Variants in FAM120A observed in about 807,000 individuals in gnomAD.
The protein encoded by FAM120A is constitutive coactivator of PPAR-gamma-like protein 1.
A neutral mutation model predicts 109.7 loss-of-function variants in FAM120A; 15 were observed. The observed-to-expected ratio is 0.14, with a 90% confidence interval of 0.09 to 0.21. The LOEUF (loss-of-function observed/expected upper bound fraction) is 0.21. Ranked by LOEUF, FAM120A falls within the 10% of genes least tolerant of loss-of-function variation. The pLI, the probability that FAM120A is intolerant of heterozygous loss-of-function variation, is 1.00. For synonymous variants in FAM120A, 493 were observed against 572.8 expected, an observed-to-expected ratio of 0.86 and a Z score of 1.99; for missense variants, 899 against 1,439.3, an observed-to-expected ratio of 0.62 and a Z score of 6.07.
At chr9:93,509,495 G>A (rs150070992) in intron 5 of FAM120A, among the ~76,000 whole-genome samples, 14 of 152,286 alleles carry the variant, frequency 9.2e-5, no homozygotes, top group African/African-American at 3.1e-4. Flanking sequence ...CTCTGCTGTC[G>A]TTGTCAAGAA....
intron 3 of FAM120A, among the ~76,000 whole-genome samples, chr9:93,494,676 G>T (rs947915077): frequency 6.6e-6 from 1 of 152,204 alleles, no homozygotes; most frequent in Non-Finnish European, 1.5e-5. Context: ...TCCCCATCAT[G>T]CTGTGAAGCA....
chr9:93,478,358 G>A (rs1858639355), intron 3 of FAM120A, among the ~76,000 whole-genome samples: 1 of 151,096 alleles, frequency 6.6e-6, no homozygotes. Flanking sequence ...ATGGCATATT[G>A]GAGAAGAAAT....
chr9:93,455,553 A>G (rs1190711706), intron 1 of FAM120A, among the ~76,000 whole-genome samples: 2 of 152,214 alleles, frequency 1.3e-5, no homozygotes, highest in Non-Finnish European at 2.9e-5. Context: ...TTCAGTATAT[A>G]TAATGTTGAG....
chr9:93,480,516 A>G (rs1858752768), intron 3 of FAM120A, among the ~76,000 whole-genome samples: 1 of 152,144 alleles, frequency 6.6e-6, no homozygotes. Context: ...AGGGCTGCAC[A>G]GACACCCAAG....
intron 2 of FAM120A, among the ~76,000 whole-genome samples, chr9:93,472,558 A>T (rs528718498): frequency 6.6e-6 from 1 of 152,228 alleles, no homozygotes; most frequent in Non-Finnish European, 1.5e-5. Context: ...TCTAGTGCTC[A>T]GTTACTGTGC....
rs575692222 is a variant in FAM120A at position 93,556,603 on chromosome 9, G to A, written c.2484+12G>A. ...TCTGTGATGGTCAGGTATGCTGCGG[G>A]GCCGGGTGGCTGCCTTTAACTGCAA... On this transcript the variant is annotated intron_variant, in intron 13 of 17. Transcript: ENST00000277165. 1.4e-5 allele frequency: 23 copies of A among 1,613,142 alleles called. No individual in the cohort carries two copies. Among genetic ancestry groups the A allele is most frequent in the Admixed American group, 5.0e-5 (3 of 60,004 alleles).
intron 11 of FAM120A, among the ~76,000 whole-genome samples, chr9:93,546,572 G>A (rs894027353): frequency 5.9e-5 from 9 of 152,226 alleles, no homozygotes; most frequent in South Asian, 2.1e-4. Flanking sequence ...GGCCATGCAT[G>A]CAGCTGGTCC....
At chr9:93,546,130 G>T (rs921087382) in intron 11 of FAM120A, among the ~76,000 whole-genome samples, 1 of 151,958 alleles carries the variant, frequency 6.6e-6, no homozygotes, top group African/African-American at 2.4e-5. Context: ...GGTTTCCTCT[G>T]ATAGCAAATT....
chr9:93,478,732 T>C (rs1279167730), intron 3 of FAM120A, among the ~76,000 whole-genome samples: 1 of 152,176 alleles, frequency 6.6e-6, no homozygotes, highest in African/African-American at 2.4e-5. Flanking sequence ...CACCTTGGCC[T>C]CCCAAAGTGC....
intron 3 of FAM120A, among the ~76,000 whole-genome samples, chr9:93,485,773 G>A (rs76391866): frequency 6.7e-6 from 1 of 149,448 alleles, no homozygotes; most frequent in Non-Finnish European, 1.5e-5. Context: ...AGCCATGTCC[G>A]CTTCGGCAGT....
At chr9:93,484,541 A>C (rs543069114) in intron 3 of FAM120A, among the ~76,000 whole-genome samples, 1 of 152,288 alleles carries the variant, frequency 6.6e-6, no homozygotes. Context: ...AGCAAAGAGA[A>C]GCTCAGCAAT....
intron 3 of FAM120A, among the ~76,000 whole-genome samples, chr9:93,492,203 T>G (rs1177099034): frequency 6.6e-6 from 1 of 152,066 alleles, no homozygotes; most frequent in Non-Finnish European, 1.5e-5. Flanking sequence ...TATGTATATA[T>G]AGAGTTATGT....
chr9:93,557,125 TG>T (rs1260108303), intron 13 of FAM120A, among the ~76,000 whole-genome samples: 12 of 130,250 alleles, frequency 9.2e-5, no homozygotes, highest in East Asian at 6.8e-4. Flanking sequence ...TTGTTTGTTT[TG>T]GTTTTTTTTT....
intron 12 of FAM120A, among the ~76,000 whole-genome samples, chr9:93,552,822 T>TA (rs1274483920): frequency 1.1e-4 from 17 of 152,254 alleles, no homozygotes; most frequent in Non-Finnish European, 2.4e-4. Flanking sequence ...TCTTGACTGT[T>TA]AACTGGTGTG....
intron 7 of FAM120A, among the ~76,000 whole-genome samples, chr9:93,517,787 G>A (rs907980460): frequency 7.9e-5 from 12 of 152,288 alleles, no homozygotes; most frequent in Admixed American, 1.3e-4. Context: ...TTGTTCCTCC[G>A]GTGGGGAGGG....
intron 1 of FAM120A, among the ~76,000 whole-genome samples, chr9:93,455,989 AT>A (rs1307831714): frequency 6.6e-6 from 1 of 152,136 alleles, no homozygotes; most frequent in Non-Finnish European, 1.5e-5. Flanking sequence ...TTTAGAGATT[AT>A]TTCTTTTACA....
intron 3 of FAM120A, 113 bp from the exon 4 acceptor site, chr9:93,497,358 A>G: frequency 1.5e-6 from 2 of 1,324,536 alleles, no homozygotes; most frequent in East Asian, 2.4e-5. Context: ...ATCATTGGGC[A>G]CTGATAAGAT....
intron 3 of FAM120A, among the ~76,000 whole-genome samples, chr9:93,495,010 C>A (rs1052552063): frequency 3.9e-5 from 6 of 152,218 alleles, no homozygotes; most frequent in African/African-American, 1.2e-4. Context: ...CCAGATCACC[C>A]AGGGTTTCCA....
At chr9:93,563,791 C>T (rs1408836901) in intron 17 of FAM120A, among the ~76,000 whole-genome samples, 1 of 152,176 alleles carries the variant, frequency 6.6e-6, no homozygotes, top group Non-Finnish European at 1.5e-5. Context: ...GTTAAGGTTC[C>T]CTAGCAATGA....
Sources: allele counts gnomAD v4.1 joint callset (sites outside exome capture counted in the v4.1 genomes callset), GRCh38; gene constraint gnomAD v4.1.1; transcripts MANE v1.5; gene names NCBI Gene and HGNC (gene_info 2026-07-23, HGNC 2026-07-21).